Variants in COL5A2 observed in about 807,000 individuals in gnomAD.
COL5A2 encodes the protein collagen type V alpha 2 chain.
COL5A2 carries 23 observed loss-of-function variants against 208.2 expected under a neutral mutation model. The observed-to-expected ratio is 0.11, with a 90% CI of 0.08 to 0.16. COL5A2 has a LOEUF of 0.16. COL5A2 is among the 10% of genes least tolerant of loss of function. The probability of loss-of-function intolerance (pLI) is 1.00; values close to 1 mark genes in which losing one functional copy is unlikely to be tolerated. For synonymous variants in COL5A2, 625 were observed against 628.5 expected (o/e 0.99, Z 0.08); for missense variants, 1,590 against 1,956.4 (o/e 0.81, Z 3.53).
the COL5A2 span, among the ~76,000 whole-genome samples, chr2:189,252,738 G>A: frequency 9.9e-3 from 1,194 of 120,580 alleles, 23 homozygotes; most frequent in African/African-American, 0.033. Flanking sequence ...TTGTGCACAT[G>A]TACCCTATTA....
At chr2:189,034,800 G>C (rs1685409203) in intron 53 of COL5A2, 116 bp downstream of exon 53, 1 of 1,163,220 alleles carries the variant, frequency 8.6e-7, no homozygotes. Context: ...TAAACAAACT[G>C]CTATTATGCT....
chr2:189,387,318 T>C, the COL5A2 span, among the ~76,000 whole-genome samples: 4 of 152,010 alleles, frequency 2.6e-5, no homozygotes, highest in Non-Finnish European at 4.4e-5. Context: ...CTACTAGTGA[T>C]AGAGAGAGGA....
chr2:189,211,872 T>C (rs1256256699), intron 1 of COL5A2, among the ~76,000 whole-genome samples: 5 of 152,140 alleles, frequency 3.3e-5, no homozygotes, highest in Admixed American at 2.0e-4. Context: ...GATGGCAATA[T>C]ATAAATGTGT....
At chr2:189,328,810 CCTGTAAGTGGTGA>C in the COL5A2 span, among the ~76,000 whole-genome samples, 1 of 152,166 alleles carries the variant, frequency 6.6e-6, no homozygotes, top group South Asian at 2.1e-4. Context: ...AAAGCCTATG[CCTGTAAGTGGTGA>C]CTGTCACATA....
At chr2:189,246,269 T>C in the COL5A2 span, among the ~76,000 whole-genome samples, 1 of 152,072 alleles carries the variant, frequency 6.6e-6, no homozygotes, top group Non-Finnish European at 1.5e-5. Context: ...ATATCTTTGT[T>C]TCACAGAACA....
At chr2:189,387,086 T>C in the COL5A2 span, among the ~76,000 whole-genome samples, 1 of 152,140 alleles carries the variant, frequency 6.6e-6, no homozygotes, top group Non-Finnish European at 1.5e-5. Flanking sequence ...AATGGTGGAC[T>C]GGATCAAGAA....
At chr2:189,236,353 C>T in the COL5A2 span, among the ~76,000 whole-genome samples, 2 of 151,638 alleles carry the variant, frequency 1.3e-5, no homozygotes, top group African/African-American at 2.4e-5. Context: ...CTTGCACATG[C>T]CTGTTGGACA....
the COL5A2 span, chr2:189,311,501 T>A: frequency 1.8e-6 from 2 of 1,084,830 alleles, no homozygotes; most frequent in African/African-American, 3.1e-5. Flanking sequence ...TGCCCGAGTC[T>A]GTGCCAGCTC....
the COL5A2 span, among the ~76,000 whole-genome samples, chr2:189,321,923 G>A: frequency 1.3e-5 from 2 of 152,140 alleles, no homozygotes; most frequent in Non-Finnish European, 2.9e-5. Flanking sequence ...CCACATAGTT[G>A]GAAGTAAAGC....
In COL5A2 at chr2:189,222,371, G is replaced by A. The variant is rs117000697; in HGVS notation, c.-42+2777C>T. On this transcript the variant is annotated intron_variant, in intron 1 of 10. Coordinates refer to the COL5A2 transcript ENST00000649966. Reference sequence around the variant, plus strand: ...GTATTTCAAGCTCTTGTTGGTGTTAGAAATCATTTTAGAAACAATACTATG... The same window carrying A: ...GTATTTCAAGCTCTTGTTGGTGTTAAAAATCATTTTAGAAACAATACTATG... 1.3e-3 allele frequency among the ~76,000 whole-genome samples: 194 copies of A among 152,188 alleles called. 4 individuals are homozygous for A. The East Asian group carries it at 0.034, about 27-fold the overall frequency.
the COL5A2 span, among the ~76,000 whole-genome samples, chr2:189,430,462 T>C: frequency 6.6e-6 from 1 of 152,206 alleles, no homozygotes; most frequent in Non-Finnish European, 1.5e-5. Flanking sequence ...TGACAGACTG[T>C]ACCTGGAAAA....
At chr2:189,100,676 T>C (rs1421132798) in intron 3 of COL5A2, among the ~76,000 whole-genome samples, 1 of 151,822 alleles carries the variant, frequency 6.6e-6, no homozygotes, top group Non-Finnish European at 1.5e-5. Context: ...TGCTCATCTT[T>C]AATAAAAAGA....
At chr2:189,381,279 GA>G in the COL5A2 span, among the ~76,000 whole-genome samples, 2 of 151,816 alleles carry the variant, frequency 1.3e-5, no homozygotes, top group African/African-American at 2.4e-5. Flanking sequence ...CTCTGATGAA[GA>G]AACATCTATC....
rs753363917 is a variant in COL5A2, at chr2:189,064,048, C to A, written c.1717-15G>T. On this transcript the variant is annotated splice_polypyrimidine_tract_variant and intron_variant, in intron 25 of 53. Coordinates refer to ENST00000374866, the MANE Select transcript of COL5A2 (RefSeq NM_000393.5). ...CCTGTCAAACCCTGAAAATAAAAAA[C>A]CAACTGTCAGTTTGTTGCTGATATG... 2 of 1,611,820 alleles carry A rather than the reference C, an allele frequency of 1.2e-6. No individual in the cohort carries two copies. The highest frequency in any genetic ancestry group is 1.7e-6 in the Non-Finnish European group (2 of 1,178,624).
intron 1 of COL5A2, among the ~76,000 whole-genome samples, chr2:189,163,986 G>A (rs1185409840): frequency 6.6e-6 from 1 of 152,162 alleles, no homozygotes; most frequent in Non-Finnish European, 1.5e-5. Flanking sequence ...GAAAGTAACA[G>A]CCTGTTTAGT....
At chr2:189,247,549 C>A in the COL5A2 span, among the ~76,000 whole-genome samples, 2,228 of 151,744 alleles carry the variant, frequency 0.015, 27 homozygotes, top group Non-Finnish European at 0.021. Flanking sequence ...ACATGGCATA[C>A]CAGGTTAGGA....
chr2:189,235,132 TTTA>T, the COL5A2 span, among the ~76,000 whole-genome samples: 6 of 151,700 alleles, frequency 4.0e-5, no homozygotes, highest in Non-Finnish European at 5.9e-5. Flanking sequence ...ACTGCCACAT[TTTA>T]TGTCCTCAGT....
chr2:189,191,160 A>C (rs1158756178), intron 1 of COL5A2, among the ~76,000 whole-genome samples: 3 of 19,482 alleles, frequency 1.5e-4, no homozygotes, highest in South Asian at 6.5e-3. Context: ...AACAAAAAAC[A>C]AACAAACAAC....
At chr2:189,051,094 A>G (rs1351344422) in intron 42 of COL5A2, among the ~76,000 whole-genome samples, 1 of 152,144 alleles carries the variant, frequency 6.6e-6, no homozygotes, top group East Asian at 1.9e-4. Flanking sequence ...CATTTAACAA[A>G]TAATTTTTTT....
Sources: allele counts gnomAD v4.1 joint callset (sites outside exome capture counted in the v4.1 genomes callset), GRCh38; gene constraint gnomAD v4.1.1; transcripts MANE v1.5; gene names NCBI Gene and HGNC (gene_info 2026-07-23, HGNC 2026-07-21).